BAHD1: variants seen among roughly 807,000 people sequenced by gnomAD.
The protein encoded by BAHD1 is bromo adjacent homology domain-containing 1 protein.
A neutral mutation model predicts 63.1 loss-of-function variants in BAHD1; 20 were observed. The observed-to-expected ratio is 0.32, with a 90% CI of 0.22 to 0.46. The LOEUF (loss-of-function observed/expected upper bound fraction) is 0.46. Among genes scored for constraint, BAHD1 ranks in the 20% least tolerant of loss-of-function variants. BAHD1 has a pLI of 1.00. For synonymous variants in BAHD1, 408 were observed against 426.8 expected, an observed-to-expected ratio of 0.96 and a Z score of 0.54; for missense variants, 939 against 1,071.8, an observed-to-expected ratio of 0.88 and a Z score of 1.73.
rs923889136 is a variant in BAHD1, at chr15:40,466,062, G to C, written c.2275G>C (p.Glu759Gln). ...CACAGTGCCAGAGGACACGGACCCTGAGCTGGTGTTCCTTTGCCGCCATGT... is the reference window on the plus strand; with the variant it reads ...CACAGTGCCAGAGGACACGGACCCTCAGCTGGTGTTCCTTTGCCGCCATGT... ...HRTVPEDTDP[E>Q]LVFLCRHVYD... is the part of the protein sequence containing the mutation. Residue 759 changes from glutamate (E) to glutamine (Q), a missense_variant, in exon 7 of 7, where the codon GAG becomes CAG. By Grantham distance (29) the Glu-to-Gln change is conservative. Transcript: ENST00000416165. 6.2e-7 allele frequency: 1 copy of C among 1,614,154 alleles called. No individual in the cohort carries two copies. The highest frequency in any genetic ancestry group is 8.5e-7 in the Non-Finnish European group (1 of 1,180,000).
chr15:40,461,409 G>A (rs1894034542), intron 2 of BAHD1, among the ~76,000 whole-genome samples: 1 of 152,062 alleles, frequency 6.6e-6, no homozygotes, highest in African/African-American at 2.4e-5. Flanking sequence ...AGGCTGAGGC[G>A]GGCAGATTGC....
chr15:40,464,862 A>G (rs1207070722), intron 5 of BAHD1: 2 of 436,088 alleles, frequency 4.6e-6, no homozygotes, highest in East Asian at 4.4e-5. Flanking sequence ...GTGGAGCTGC[A>G]TACCTGGTCA....
chr15:40,464,715 C>T (rs191131225), intron 5 of BAHD1, among the ~76,000 whole-genome samples, 168 bp downstream of exon 5: 1 of 152,322 alleles, frequency 6.6e-6, no homozygotes, highest in East Asian at 1.9e-4. Context: ...ATTCTCTTTT[C>T]CCAACACTGC....
At position 40,444,555 on chromosome 15, in the gene BAHD1, A is replaced by T. The variant is rs113082562; in HGVS notation, c.-15+3287A>T. 1.2e-3 allele frequency among the ~76,000 whole-genome samples: 189 copies of T among 152,304 alleles called. 1 individual carries two copies. The highest frequency in any genetic ancestry group is 4.4e-3 in the African/African-American group (183 of 41,568). On this transcript the variant is annotated intron_variant, in intron 1 of 6. Transcript: ENST00000416165. The stretch of plus-strand genomic sequence containing the variant: ...TCTCTTCTCAAACCGGGTGCAAATG[A>T]GGGAGAAAACACAATTCTGAGCACA...
intron 1 of BAHD1, among the ~76,000 whole-genome samples, chr15:40,448,836 C>CTT (rs71132183): frequency 3.0e-5 from 4 of 132,200 alleles, no homozygotes; most frequent in Middle Eastern, 3.5e-3. Context: ...CCTTTTAACT[C>CTT]TTTTTTTTTT....
At chr15:40,451,145 CAAAAAAAAAAAA>C (rs397827665) in intron 1 of BAHD1, among the ~76,000 whole-genome samples, 3 of 30,598 alleles carry the variant, frequency 9.8e-5, no homozygotes, top group African/African-American at 1.6e-4. Context: ...AACTCCATCT[CAAAAAAAAAAAA>C]AAAAAAAAAA....
intron 2 of BAHD1, among the ~76,000 whole-genome samples, chr15:40,461,452 ACATGGTGAAACC>A: frequency 6.6e-6 from 1 of 152,310 alleles, no homozygotes; most frequent in Middle Eastern, 3.4e-3. Flanking sequence ...AGCCTGTCTA[ACATGGTGAAACC>A]CTATCTCTAC....
At chr15:40,455,784 A>G (rs1366371147) in intron 1 of BAHD1, among the ~76,000 whole-genome samples, 1 of 152,248 alleles carries the variant, frequency 6.6e-6, no homozygotes, top group East Asian at 1.9e-4. Context: ...CCCGTGCTCA[A>G]ATGCATGGTC....
At chr15:40,459,974 GCAGGGGTCTC>G in intron 2 of BAHD1, 78 bp downstream of exon 2, 1 of 1,464,580 alleles carries the variant, frequency 6.8e-7, no homozygotes, top group Non-Finnish European at 9.0e-7. Flanking sequence ...GTTGATCTGA[GCAGGGGTCTC>G]CCTTGGGGTC....
rs74011156 is a variant in BAHD1, at chr15:40,461,879, T to C, written c.1433-33T>C. On this transcript the variant is annotated intron_variant, in intron 2 of 6. Coordinates refer to ENST00000416165, the MANE Select transcript of BAHD1 (RefSeq NM_014952.5). ...CAGATGGGTGATGGGGGTCACTGCT[T>C]GTCCTGTCCTGACCACTCTCTCCCT... 5,259 of 1,542,924 alleles carry C rather than the reference T, an allele frequency of 3.4e-3. 180 individuals carry two copies. In the African/African-American group the frequency reaches 0.064, roughly 19 times the overall value.
upstream of BAHD1, among the ~76,000 whole-genome samples, chr15:40,439,070 TG>T (rs1023207770): frequency 5.3e-5 from 8 of 151,810 alleles, no homozygotes; most frequent in African/African-American, 1.7e-4. Context: ...TGGTGTGTGT[TG>T]GGGGGGCGCT....
At chr15:40,452,834 C>G (rs1267077744) in intron 1 of BAHD1, among the ~76,000 whole-genome samples, 3 of 152,186 alleles carry the variant, frequency 2.0e-5, no homozygotes, top group Non-Finnish European at 4.4e-5. Flanking sequence ...GATGACTACA[C>G]CCGGCCCTCT....
chr15:40,440,554 G>T (rs995727305), upstream of BAHD1, among the ~76,000 whole-genome samples: 4 of 150,138 alleles, frequency 2.7e-5, no homozygotes, highest in Admixed American at 2.6e-4. Flanking sequence ...TGGCCAGGGC[G>T]GGGGGAGATA....
intron 1 of BAHD1, chr15:40,454,557 G>A (rs1893795823): frequency 6.6e-6 from 1 of 152,210 alleles, no homozygotes; most frequent in Admixed American, 6.5e-5. Flanking sequence ...CCACCAGCCA[G>A]CCACTATCCT....
chr15:40,455,306 G>A (rs1319191487), intron 1 of BAHD1, among the ~76,000 whole-genome samples: 2 of 152,198 alleles, frequency 1.3e-5, no homozygotes, highest in African/African-American at 4.8e-5. Flanking sequence ...CCCCAGGGGA[G>A]TAGTGGGTGT....
At chr15:40,447,074 C>T (rs1893560168) in intron 1 of BAHD1, among the ~76,000 whole-genome samples, 1 of 152,092 alleles carries the variant, frequency 6.6e-6, no homozygotes, top group Admixed American at 6.6e-5. Flanking sequence ...TTTTAGAGGA[C>T]CTATGTAGAA....
chr15:40,459,937 A>G, intron 2 of BAHD1, 41 bp downstream of exon 2: 2 of 1,526,474 alleles, frequency 1.3e-6, no homozygotes, highest in South Asian at 1.3e-5. Context: ...GGAGTCTCGG[A>G]GACATGGCAT....
intron 1 of BAHD1, chr15:40,453,767 T>G (rs930302573): frequency 2.0e-5 from 3 of 152,058 alleles, no homozygotes; most frequent in African/African-American, 7.3e-5. Context: ...CTGGACAACA[T>G]AGTGAGGCCC....
upstream of BAHD1, chr15:40,439,804 G>C (rs1893351253): frequency 6.6e-6 from 1 of 152,342 alleles, no homozygotes; most frequent in African/African-American, 2.4e-5. Context: ...CCAAGACACA[G>C]CTCCTTCCCG....
Sources: gnomAD v4.1 joint callset for allele counts (sites outside exome capture counted in the v4.1 genomes callset) on GRCh38, gnomAD v4.1.1 for gene constraint, MANE v1.5 for transcripts, NCBI Gene and HGNC (gene_info 2026-07-23, HGNC 2026-07-21) for gene names.